Variants in DMD observed in about 807,000 individuals in gnomAD.
The protein encoded by DMD is mutant dystrophin.
DMD carries 63 observed loss-of-function variants against 330.1 expected under a neutral mutation model. That is an observed-to-expected ratio of 0.19 (90% confidence interval 0.16 to 0.24). The LOEUF is 0.24. DMD is among the 10% of genes least tolerant of loss of function. The pLI, the probability that DMD is intolerant of heterozygous loss-of-function variation, is 1.00. For synonymous variants in DMD, 1,223 were observed against 959.8 expected (o/e 1.27, Z -5.07); for missense variants, 3,344 against 2,684.1 (o/e 1.25, Z -5.43).
rs1476533504 is a variant in DMD, at chrX:32,545,319, T to A, written c.2008A>T (p.Thr670Ser). The A allele has an allele frequency of 5.8e-6, 7 of 1,208,296 alleles. No homozygotes were observed. Among genetic ancestry groups the A allele is most frequent in the African/African-American group, 1.8e-5 (1 of 56,964 alleles). Reference sequence around the variant, plus strand: ...TGTGTTAGTGATGGCTGAGTGGTGGTGACAGCCTGTGAAATCTGTGAGAAG... The same window carrying A: ...TGTGTTAGTGATGGCTGAGTGGTGGAGACAGCCTGTGAAATCTGTGAGAAG... ...KSTAQISQAV[T>S]TTQPSLTQTT... The change falls in exon 17 of 79, where the codon ACC (threonine) becomes TCC (serine). Residue 670 changes from threonine to serine, a missense_variant. Coordinates refer to ENST00000357033, the MANE Select transcript of DMD (RefSeq NM_004006.3).
chrX:33,276,576 T>G (rs754793239), intron 1 of DMD, among the ~76,000 whole-genome samples: 2 of 111,782 alleles, frequency 1.8e-5, no homozygotes, highest in Non-Finnish European at 3.8e-5. Flanking sequence ...CAAGTTGTAT[T>G]CTATAGAGCT....
chrX:32,288,214 G>A lies in DMD; in HGVS notation c.6118-513C>T, dbSNP rs144237653. ...ACGAGACTTTCAAACTTAATATGACGCAAACAAAATTCTGAACTGCATTTC... is the reference window on the plus strand; with the variant it reads ...ACGAGACTTTCAAACTTAATATGACACAAACAAAATTCTGAACTGCATTTC... On this transcript the variant is annotated intron_variant, in intron 42 of 78. Coordinates refer to ENST00000357033, the MANE Select transcript of DMD (RefSeq NM_004006.3). Among the ~76,000 whole-genome samples the A allele has an allele frequency of 6.0e-4, 67 of 111,381 alleles. No homozygotes were observed. In the East Asian group the frequency reaches 7.7e-3, roughly 13 times the overall value.
At chrX:31,963,566 A>G (rs2095325501) in intron 45 of DMD, among the ~76,000 whole-genome samples, 1 of 111,075 alleles carries the variant, frequency 9.0e-6, no homozygotes, top group African/African-American at 3.3e-5. Flanking sequence ...AGAAGGGGCT[A>G]CTACCCAGAT....
intron 43 of DMD, among the ~76,000 whole-genome samples, chrX:32,235,611 C>G (rs920303378): frequency 1.8e-5 from 2 of 111,533 alleles, no homozygotes; most frequent in African/African-American, 6.5e-5. Context: ...CTACCCATTA[C>G]AATTTTGGAA....
chrX:32,750,525 G>A (rs190223484), intron 7 of DMD, among the ~76,000 whole-genome samples: 123 of 111,081 alleles, frequency 1.1e-3, no homozygotes, highest in Non-Finnish European at 2.1e-3. Flanking sequence ...TTTCTTCCCT[G>A]TGTCAGGTTT....
intron 2 of DMD, among the ~76,000 whole-genome samples, chrX:33,005,892 A>G (rs1171139606): frequency 9.0e-6 from 1 of 111,398 alleles, no homozygotes; most frequent in Non-Finnish European, 1.9e-5. Context: ...ATAATAAGCA[A>G]TTGTAGCAAA....
rs865970813 is a variant in DMD at position 31,531,512 on chromosome X, T to C, written c.8218-24059A>G. On this transcript the variant is annotated intron_variant, in intron 55 of 78. Transcript: ENST00000357033. ...TCTGTTCATGTCCTTCGCCCACTTT[T>C]TGATGGGGTTGTTTGTTTTTTTCTT... 5.4e-4 allele frequency among the ~76,000 whole-genome samples: 40 copies of C among 74,408 alleles called. No homozygotes were observed. In the Admixed American group the frequency reaches 5.5e-3, roughly 10 times the overall value. The allele number at this position is 74,408 out of a possible 115,157, so 64.6% of individuals were successfully genotyped here.
At chrX:32,311,338 C>T (rs767301544) in intron 41 of DMD, among the ~76,000 whole-genome samples, 1 of 110,838 alleles carries the variant, frequency 9.0e-6, no homozygotes, top group Non-Finnish European at 1.9e-5. Flanking sequence ...CTTATTTTTG[C>T]AGTAATGTAA....
At chrX:32,070,410 A>G (rs930582446) in intron 44 of DMD, among the ~76,000 whole-genome samples, 23 of 110,970 alleles carry the variant, frequency 2.1e-4, no homozygotes, top group Admixed American at 1.4e-3. Flanking sequence ...GGCTGCCTAG[A>G]GCACATTCAG....
intron 2 of DMD, among the ~76,000 whole-genome samples, chrX:32,965,841 T>C (rs1217992848): frequency 8.9e-6 from 1 of 112,119 alleles, no homozygotes; most frequent in Non-Finnish European, 1.9e-5. Context: ...AAAGTAACTA[T>C]ATGCTTTAAT....
At chrX:31,551,987 C>A (rs969108618) in intron 55 of DMD, among the ~76,000 whole-genome samples, 1 of 112,272 alleles carries the variant, frequency 8.9e-6, no homozygotes, top group Non-Finnish European at 1.9e-5. Context: ...GACACATAAT[C>A]TAAGGTCTGA....
intron 59 of DMD, among the ~76,000 whole-genome samples, chrX:31,449,137 G>A (rs1048539193): frequency 9.0e-6 from 1 of 111,500 alleles, no homozygotes; most frequent in Non-Finnish European, 1.9e-5. Context: ...AGGGAATTCT[G>A]CTTGGAGGGG....
intron 17 of DMD, among the ~76,000 whole-genome samples, chrX:32,538,578 C>T (rs145934981): frequency 0.022 from 2,407 of 111,207 alleles, 65 homozygotes; most frequent in African/African-American, 0.073. Context: ...TCTCTTCACA[C>T]GGACATACGT....
chrX:32,176,015 G>T (rs1177344843), intron 44 of DMD, among the ~76,000 whole-genome samples: 5 of 111,329 alleles, frequency 4.5e-5, no homozygotes, highest in Non-Finnish European at 9.4e-5. Flanking sequence ...AGATACCTTA[G>T]TTCTCTTTAT....
chrX:32,991,438 G>C (rs952023386), intron 2 of DMD, among the ~76,000 whole-genome samples: 1 of 111,897 alleles, frequency 8.9e-6, no homozygotes, highest in African/African-American at 3.2e-5. Flanking sequence ...AACAAAAAAT[G>C]TTCTATACAT....
intron 44 of DMD, among the ~76,000 whole-genome samples, chrX:32,097,781 T>A (rs963426493): frequency 1.5e-4 from 17 of 112,276 alleles, no homozygotes; most frequent in Non-Finnish European, 2.8e-4. Flanking sequence ...GCATTTTGCA[T>A]GTTTTACAGT....
intron 62 of DMD, among the ~76,000 whole-genome samples, chrX:31,283,186 C>A (rs895645821): frequency 9.0e-6 from 1 of 111,405 alleles, no homozygotes; most frequent in African/African-American, 3.3e-5. Flanking sequence ...AAAATATTTC[C>A]ATTTTATCTT....
intron 57 of DMD, among the ~76,000 whole-genome samples, chrX:31,493,265 A>T (rs1213499254): frequency 2.7e-5 from 3 of 111,933 alleles, no homozygotes; most frequent in Non-Finnish European, 3.8e-5. Context: ...CTTGAAGGAC[A>T]TGGTTTAGCA....
At chrX:32,669,334 C>A (rs2147180418) in intron 9 of DMD, among the ~76,000 whole-genome samples, 1 of 111,711 alleles carries the variant, frequency 9.0e-6, no homozygotes, top group South Asian at 3.8e-4. Flanking sequence ...AATTCATTTG[C>A]AGCACTGTTT....
Sources: allele counts gnomAD v4.1 joint callset (sites outside exome capture counted in the v4.1 genomes callset), GRCh38; gene constraint gnomAD v4.1.1; transcripts MANE v1.5; gene names NCBI Gene and HGNC (gene_info 2026-07-23, HGNC 2026-07-21).